HECW1: variants seen among roughly 807,000 people sequenced by gnomAD.
The protein encoded by HECW1 is HECT, C2 and WW domain containing E3 ubiquitin protein ligase 1, also known as E3 ubiquitin-protein ligase HECW1.
A neutral mutation model predicts 182.3 loss-of-function variants in HECW1; 61 were observed. The ratio of observed to expected loss-of-function variants is 0.33; its 90% CI spans 0.27 to 0.41. HECW1 has a LOEUF of 0.41. Ranked by LOEUF, HECW1 falls within the 10% of genes least tolerant of loss-of-function variation. The probability of loss-of-function intolerance (pLI) is 1.00; values close to 1 mark genes in which losing one functional copy is unlikely to be tolerated. For synonymous variants in HECW1, 859 were observed against 832.6 expected, an observed-to-expected ratio of 1.03 and a Z score of -0.55; for missense variants, 1,739 against 2,108.9, an observed-to-expected ratio of 0.82 and a Z score of 3.44.
intron 4 of HECW1, among the ~76,000 whole-genome samples, chr7:43,317,008 A>G (rs1183676623): frequency 2.0e-5 from 3 of 151,650 alleles, no homozygotes; most frequent in South Asian, 4.2e-4. Context: ...TACCATTACT[A>G]TGTGATCTTA....
At chr7:43,286,146 G>A (rs534093461) in intron 3 of HECW1, among the ~76,000 whole-genome samples, 5 of 152,336 alleles carry the variant, frequency 3.3e-5, no homozygotes, top group Admixed American at 1.3e-4. Flanking sequence ...AGGACCCTGA[G>A]AGGGTGGATG....
chr7:43,322,100 G>A (rs1014237814), intron 5 of HECW1, among the ~76,000 whole-genome samples: 5 of 152,116 alleles, frequency 3.3e-5, no homozygotes, highest in East Asian at 3.9e-4. Context: ...ACGGAGTTTC[G>A]TTCTTGTTGC....
chr7:43,249,749 G>A (rs1584174833), intron 3 of HECW1, among the ~76,000 whole-genome samples: 1 of 152,284 alleles, frequency 6.6e-6, no homozygotes, highest in South Asian at 2.1e-4. Context: ...TTCAAGCAAA[G>A]GAGTACCAGC....
At chr7:43,198,154 T>G (rs1242750237) in intron 2 of HECW1, among the ~76,000 whole-genome samples, 1 of 126,352 alleles carries the variant, frequency 7.9e-6, no homozygotes, top group African/African-American at 3.1e-5. Context: ...TCTCTCACAC[T>G]CATACTCACG....
intron 6 of HECW1, among the ~76,000 whole-genome samples, chr7:43,381,337 T>G (rs986085161): frequency 1.3e-5 from 2 of 152,178 alleles, no homozygotes; most frequent in African/African-American, 4.8e-5. Context: ...ATTTACTTCT[T>G]GGAGGCAAGA....
At chr7:43,230,004 C>G (rs1797748599) in intron 2 of HECW1, among the ~76,000 whole-genome samples, 1 of 152,202 alleles carries the variant, frequency 6.6e-6, no homozygotes, top group Non-Finnish European at 1.5e-5. Context: ...TTCTGTGGCT[C>G]CTGCTGAAGT....
At chr7:43,492,336 C>T (rs550645267) in intron 18 of HECW1, among the ~76,000 whole-genome samples, 156 bp downstream of exon 18, 1 of 152,244 alleles carries the variant, frequency 6.6e-6, no homozygotes, top group East Asian at 1.9e-4. Flanking sequence ...CACCCCGACC[C>T]CTGCTACCAT....
chr7:43,342,467 T>A (rs2079259), intron 5 of HECW1, among the ~76,000 whole-genome samples: 34,576 of 151,598 alleles, frequency 0.23, 4,511 homozygotes, highest in Non-Finnish European at 0.27. Flanking sequence ...CTAAAAGTAC[T>A]GCTCTTATTG....
At chr7:43,541,477 T>A (rs1267387435) in intron 25 of HECW1, among the ~76,000 whole-genome samples, 1 of 152,234 alleles carries the variant, frequency 6.6e-6, no homozygotes, top group African/African-American at 2.4e-5. Flanking sequence ...AAGGGAAGAT[T>A]CTATTATCAA....
intron 5 of HECW1, among the ~76,000 whole-genome samples, chr7:43,328,603 C>A (rs1476297377): frequency 6.6e-6 from 1 of 152,214 alleles, no homozygotes; most frequent in African/African-American, 2.4e-5. Context: ...ATCAAGGATT[C>A]CATTGCATCT....
chr7:43,201,369 C>A (rs1436488031), intron 2 of HECW1, among the ~76,000 whole-genome samples: 1 of 152,208 alleles, frequency 6.6e-6, no homozygotes, highest in Non-Finnish European at 1.5e-5. Flanking sequence ...GCAGGATGTA[C>A]AGAGAATTAC....
At chr7:43,136,821 G>A (rs886341639) in intron 2 of HECW1, among the ~76,000 whole-genome samples, 1 of 152,096 alleles carries the variant, frequency 6.6e-6, no homozygotes, top group African/African-American at 2.4e-5. Flanking sequence ...GTCAATGCAC[G>A]TCCACTCTCA....
chr7:43,326,114 G>A (rs1810741834), intron 5 of HECW1, among the ~76,000 whole-genome samples: 1 of 151,756 alleles, frequency 6.6e-6, no homozygotes, highest in African/African-American at 2.4e-5. Flanking sequence ...CCCTCTTGCT[G>A]TTTCTGCGTA....
intron 24 of HECW1, among the ~76,000 whole-genome samples, chr7:43,537,927 C>T (rs777502634): frequency 2.0e-5 from 3 of 152,224 alleles, no homozygotes; most frequent in Non-Finnish European, 2.9e-5. Flanking sequence ...GTCTGCGCTG[C>T]AGTCCCCTGG....
intron 1 of HECW1, among the ~76,000 whole-genome samples, chr7:43,113,463 A>G (rs1390867700): frequency 1.3e-5 from 2 of 152,076 alleles, no homozygotes; most frequent in Non-Finnish European, 1.5e-5. Context: ...TGCTCGCTCG[A>G]GGGGCGCGTG....
chr7:43,185,143 A>T (rs2152679260), intron 2 of HECW1, among the ~76,000 whole-genome samples: 1 of 152,128 alleles, frequency 6.6e-6, no homozygotes, highest in South Asian at 2.1e-4. Flanking sequence ...ACCCAAAAGG[A>T]CAGGGATGGT....
At chr7:43,258,058 G>T (rs1800767903) in intron 3 of HECW1, among the ~76,000 whole-genome samples, 1 of 152,130 alleles carries the variant, frequency 6.6e-6, no homozygotes, top group Non-Finnish European at 1.5e-5. Context: ...ACACAGTAAA[G>T]GCCAGGCGTG....
chr7:43,513,574 C>G (rs1026510660), intron 24 of HECW1, among the ~76,000 whole-genome samples: 1 of 152,124 alleles, frequency 6.6e-6, no homozygotes, highest in African/African-American at 2.4e-5. Flanking sequence ...CACCCACTTC[C>G]TTTCTTTCTC....
At chr7:43,174,707 A>G (rs945432352) in intron 2 of HECW1, among the ~76,000 whole-genome samples, 44 of 152,162 alleles carry the variant, frequency 2.9e-4, no homozygotes, top group African/African-American at 1.0e-3. Context: ...AAACAGCTCC[A>G]GGGAATTTTG....
Sources: allele counts gnomAD v4.1 joint callset (sites outside exome capture counted in the v4.1 genomes callset), GRCh38; gene constraint gnomAD v4.1.1; transcripts MANE v1.5; gene names NCBI Gene and HGNC (gene_info 2026-07-23, HGNC 2026-07-21).